Variants in DCC observed in about 807,000 individuals in gnomAD.
DCC encodes the protein netrin receptor DCC.
DCC carries 58 observed loss-of-function variants against 172.5 expected under a neutral mutation model. That is an observed-to-expected ratio of 0.34 (90% confidence interval 0.27 to 0.42). The LOEUF is 0.42. Among genes scored for constraint, DCC ranks in the 10% least tolerant of loss-of-function variants. The pLI, the probability that DCC is intolerant of heterozygous loss-of-function variation, is 1.00. For missense variants in DCC, 1,740 were observed against 1,791.0 expected (o/e 0.97, Z 0.51); for synonymous variants, 709 against 644.5 (o/e 1.10, Z -1.52).
At chr18:52,501,524 A>G (rs556789808) in intron 1 of DCC, among the ~76,000 whole-genome samples, 4 of 152,256 alleles carry the variant, frequency 2.6e-5, no homozygotes, top group Non-Finnish European at 4.4e-5. Flanking sequence ...AATTGTATTC[A>G]GGGAAGGGGG....
intron 1 of DCC, among the ~76,000 whole-genome samples, chr18:52,473,763 T>C (rs951642071): frequency 2.6e-5 from 4 of 152,136 alleles, no homozygotes; most frequent in African/African-American, 9.7e-5. Context: ...CAAGATGAGA[T>C]TTGGGTTGGG....
intron 5 of DCC, among the ~76,000 whole-genome samples, chr18:53,055,483 C>G (rs375936331): frequency 3.3e-4 from 50 of 152,172 alleles, no homozygotes; most frequent in African/African-American, 1.1e-3. Flanking sequence ...AGAATGAAAT[C>G]CATACCTTGA....
chr18:52,894,396 TACACAC>T (rs34974743), intron 2 of DCC, among the ~76,000 whole-genome samples: 2,276 of 148,860 alleles, frequency 0.015, 43 homozygotes, highest in African/African-American at 0.039. Flanking sequence ...ACAGGACACA[TACACAC>T]ACACACACAC....
rs1237739744 is a variant in DCC, at chr18:53,535,761, C to G, written c.*5108C>G. The G allele has an allele frequency of 6.6e-6, 1 of 152,150 alleles. No homozygotes were observed. The highest frequency in any genetic ancestry group is 1.5e-5 in the Non-Finnish European group (1 of 68,024). 9.4% of individuals were successfully genotyped at this position (152,150 alleles called of 1,614,324 possible). ...TTACAGTTTAAAACAATGACTGTTT[C>G]TACACATGATCTTGTATACTACTAC... On this transcript the variant is annotated 3_prime_UTR_variant, in exon 29 of 29. Coordinates refer to ENST00000442544, the MANE Select transcript of DCC (RefSeq NM_005215.4).
intron 2 of DCC, among the ~76,000 whole-genome samples, chr18:52,861,497 G>T (rs752225412): frequency 6.6e-6 from 1 of 152,148 alleles, no homozygotes; most frequent in Non-Finnish European, 1.5e-5. Context: ...GAATGTTCAT[G>T]AATAGTTTCC....
intron 13 of DCC, among the ~76,000 whole-genome samples, chr18:53,308,934 G>T (rs1244461338): frequency 6.6e-6 from 1 of 152,160 alleles, no homozygotes; most frequent in Non-Finnish European, 1.5e-5. Context: ...AACTGCTGGG[G>T]TTACCGGCAG....
At chr18:53,503,351 C>G (rs1342010109) in intron 27 of DCC, among the ~76,000 whole-genome samples, 2 of 152,094 alleles carry the variant, frequency 1.3e-5, no homozygotes, top group African/African-American at 4.8e-5. Context: ...TTACAAGACT[C>G]TAGGGTATTT....
intron 1 of DCC, among the ~76,000 whole-genome samples, chr18:52,552,655 T>C (rs1019346924): frequency 6.6e-6 from 1 of 152,046 alleles, no homozygotes; most frequent in East Asian, 1.9e-4. Context: ...TTTTTCCACG[T>C]GCTACTAATG....
intron 18 of DCC, among the ~76,000 whole-genome samples, chr18:53,398,559 T>A (rs1909100246): frequency 6.6e-6 from 1 of 152,154 alleles, no homozygotes; most frequent in South Asian, 2.1e-4. Context: ...TCCTTTTTAC[T>A]TGAAAGGAGA....
chr18:52,926,830 TACATAC>T (rs1474130759), intron 5 of DCC, among the ~76,000 whole-genome samples: 153 of 112,142 alleles, frequency 1.4e-3, no homozygotes, highest in African/African-American at 3.3e-3. Flanking sequence ...TATATACATA[TACATAC>T]ACACACACAC....
At chr18:52,524,592 C>T (rs1361001671) in intron 1 of DCC, among the ~76,000 whole-genome samples, 1 of 152,118 alleles carries the variant, frequency 6.6e-6, no homozygotes, top group African/African-American at 2.4e-5. Flanking sequence ...GCTACCACAT[C>T]TGACAATTAT....
chr18:53,421,092 A>G (rs1211911577), intron 21 of DCC, among the ~76,000 whole-genome samples: 3 of 152,200 alleles, frequency 2.0e-5, no homozygotes, highest in African/African-American at 7.2e-5. Context: ...AATGGAGGTT[A>G]GCTGTAACTC....
At chr18:52,472,586 C>G (rs1988977758) in intron 1 of DCC, among the ~76,000 whole-genome samples, 1 of 152,178 alleles carries the variant, frequency 6.6e-6, no homozygotes, top group Non-Finnish European at 1.5e-5. Context: ...TATGTTCTCT[C>G]TCTGTTAACA....
intron 20 of DCC, among the ~76,000 whole-genome samples, chr18:53,414,282 TA>T (rs1358939492): frequency 6.6e-6 from 1 of 152,158 alleles, no homozygotes; most frequent in Admixed American, 6.6e-5. Context: ...GCATAGTTCC[TA>T]TAAATAATAT....
chr18:52,485,820 TCAA>T (rs1389949001), intron 1 of DCC, among the ~76,000 whole-genome samples: 2 of 152,104 alleles, frequency 1.3e-5, no homozygotes, highest in African/African-American at 4.8e-5. Flanking sequence ...AAAGAATAAT[TCAA>T]CAGTGGAATA....
intron 5 of DCC, among the ~76,000 whole-genome samples, chr18:53,043,118 C>T (rs1182205775): frequency 6.6e-6 from 1 of 151,922 alleles, no homozygotes; most frequent in Non-Finnish European, 1.5e-5. Flanking sequence ...ACATATACAC[C>T]ATGGAATACT....
intron 12 of DCC, among the ~76,000 whole-genome samples, chr18:53,283,768 A>G (rs2056900845): frequency 6.6e-6 from 1 of 152,212 alleles, no homozygotes; most frequent in African/African-American, 2.4e-5. Context: ...AACAAAGAAC[A>G]TGTGTCATGA....
At chr18:52,670,779 G>T (rs1159114823) in intron 1 of DCC, among the ~76,000 whole-genome samples, 1 of 152,100 alleles carries the variant, frequency 6.6e-6, no homozygotes, top group Non-Finnish European at 1.5e-5. Context: ...AGCGGAGGTT[G>T]CAGTGAGCCG....
chr18:52,964,676 T>A (rs2040899989), intron 5 of DCC, among the ~76,000 whole-genome samples: 1 of 152,160 alleles, frequency 6.6e-6, no homozygotes, highest in East Asian at 1.9e-4. Flanking sequence ...TACTTAAAAT[T>A]TGCTTAGAAT....
Sources: allele counts gnomAD v4.1 joint callset (sites outside exome capture counted in the v4.1 genomes callset), GRCh38; gene constraint gnomAD v4.1.1; transcripts MANE v1.5; gene names NCBI Gene and HGNC (gene_info 2026-07-23, HGNC 2026-07-21).